EYA1: variants seen among roughly 807,000 people sequenced by gnomAD.
The protein encoded by EYA1 is EYA transcriptional coactivator and phosphatase 1.
EYA1 carries 16 observed loss-of-function variants against 82.0 expected under a neutral mutation model. The ratio of observed to expected loss-of-function variants is 0.20; its 90% CI spans 0.13 to 0.30. EYA1 has a LOEUF of 0.30. Ranked by LOEUF, EYA1 falls within the 10% of genes least tolerant of loss-of-function variation. EYA1 has a pLI of 1.00. For missense variants in EYA1, 633 were observed against 730.7 expected, an observed-to-expected ratio of 0.87 and a Z score of 1.54; for synonymous variants, 261 against 264.4, an observed-to-expected ratio of 0.99 and a Z score of 0.12.
At chr8:71,422,012 G>A (rs1831173857) in intron 2 of EYA1, among the ~76,000 whole-genome samples, 1 of 152,180 alleles carries the variant, frequency 6.6e-6, no homozygotes, top group Admixed American at 6.5e-5. Flanking sequence ...AATTTTTAAA[G>A]AAGATGCATT....
At chr8:71,484,205 A>C (rs1198924578) in intron 2 of EYA1, among the ~76,000 whole-genome samples, 1 of 152,234 alleles carries the variant, frequency 6.6e-6, no homozygotes, top group Non-Finnish European at 1.5e-5. Context: ...GGGGGTTTTA[A>C]GAGATGAAAG....
intron 17 of EYA1, among the ~76,000 whole-genome samples, chr8:71,199,769 G>A (rs1247664608): frequency 6.6e-6 from 1 of 152,170 alleles, no homozygotes; most frequent in African/African-American, 2.4e-5. Context: ...CATGCTGAAA[G>A]TTTAAAAAGC....
At chr8:71,288,274 T>A (rs190523884) in intron 9 of EYA1, among the ~76,000 whole-genome samples, 1 of 152,188 alleles carries the variant, frequency 6.6e-6, no homozygotes, top group Non-Finnish European at 1.5e-5. Context: ...TTAAATATGA[T>A]AACTTGTATC....
At chr8:71,392,109 C>T (rs896596400) in intron 2 of EYA1, among the ~76,000 whole-genome samples, 7 of 152,166 alleles carry the variant, frequency 4.6e-5, no homozygotes, top group African/African-American at 1.7e-4. Flanking sequence ...AACCACAGGA[C>T]TTTGCTTTCC....
At chr8:71,508,313 G>A (rs1180701575) in intron 2 of EYA1, among the ~76,000 whole-genome samples, 5 of 152,018 alleles carry the variant, frequency 3.3e-5, no homozygotes, top group East Asian at 3.9e-4. Flanking sequence ...TCCTTCTGTC[G>A]CCCAGGCTGG....
chr8:71,429,874 T>C (rs1456265635), intron 2 of EYA1, among the ~76,000 whole-genome samples: 2 of 152,186 alleles, frequency 1.3e-5, no homozygotes, highest in Admixed American at 6.5e-5. Flanking sequence ...TGAAGTTCTT[T>C]GATAATTTGA....
rs929997002 is a variant in EYA1, at chr8:71,198,533, T to C, written c.*807A>G. On this transcript the variant is annotated 3_prime_UTR_variant, in exon 18 of 18. Coordinates refer to ENST00000340726, the MANE Select transcript of EYA1 (RefSeq NM_000503.6). The stretch of plus-strand genomic sequence containing the variant: ...GCACGTGCTGCCTCATGCTTCACTA[T>C]CCAGGCATTGCTACCTTTCAATATC... 4.6e-5 allele frequency: 7 copies of C among 152,632 alleles called. No individual in the cohort carries two copies. The highest frequency in any genetic ancestry group is 1.7e-4 in the African/African-American group (7 of 41,458). The allele number at this position is 152,632 out of a possible 1,614,324, so 9.5% of individuals were successfully genotyped here. A position where few individuals can be genotyped will look rare whatever the true frequency, so the allele number is the denominator to read the frequency against.
At chr8:71,238,723 T>C (rs1471112817) in intron 12 of EYA1, among the ~76,000 whole-genome samples, 1 of 152,140 alleles carries the variant, frequency 6.6e-6, no homozygotes, top group African/African-American at 2.4e-5. Flanking sequence ...TTTTCTTCAG[T>C]CTTCTACATA....
At position 71,518,008 on chromosome 8, in the gene EYA1, A is replaced by C. The variant is rs994286476; in HGVS notation, c.33+17736T>G. 2.9e-4 allele frequency among the ~76,000 whole-genome samples: 44 copies of C among 152,116 alleles called. 1 individual carries two copies. The highest frequency in any genetic ancestry group is 7.9e-4 in the Admixed American group (12 of 15,270). On this transcript the variant is annotated intron_variant, in intron 2 of 18. Coordinates refer to the EYA1 transcript ENST00000643681. ...GCACATACGTATCTATACTTTATAG[A>C]CAAATTGTGCTTTACTAACATATTA...
intron 2 of EYA1, among the ~76,000 whole-genome samples, chr8:71,450,077 C>T (rs766308261): frequency 7.2e-5 from 11 of 152,174 alleles, no homozygotes; most frequent in Non-Finnish European, 1.5e-4. Flanking sequence ...TGATTTTCTA[C>T]CCAGACCACT....
At chr8:71,456,228 C>G (rs1807895765) in intron 2 of EYA1, among the ~76,000 whole-genome samples, 1 of 152,140 alleles carries the variant, frequency 6.6e-6, no homozygotes, top group Non-Finnish European at 1.5e-5. Flanking sequence ...TCAAGGAGAA[C>G]TACAAACCAC....
chr8:71,364,559 A>G (rs556379598), upstream of EYA1, among the ~76,000 whole-genome samples: 1 of 152,220 alleles, frequency 6.6e-6, no homozygotes, highest in East Asian at 1.9e-4. Flanking sequence ...TAACTACAAA[A>G]TTTAGGGAAA....
At chr8:71,428,336 G>T (rs962549974) in intron 2 of EYA1, among the ~76,000 whole-genome samples, 1 of 152,170 alleles carries the variant, frequency 6.6e-6, no homozygotes, top group African/African-American at 2.4e-5. Context: ...TGGCAATGAT[G>T]CATTTTGTAA....
At chr8:71,380,723 C>T (rs940182908) in intron 2 of EYA1, among the ~76,000 whole-genome samples, 3 of 152,202 alleles carry the variant, frequency 2.0e-5, no homozygotes, top group Admixed American at 2.0e-4. Context: ...GCAATCTATA[C>T]CAAAGTAAAC....
chr8:71,252,734 T>A (rs1813898621), intron 11 of EYA1, among the ~76,000 whole-genome samples: 1 of 152,190 alleles, frequency 6.6e-6, no homozygotes, highest in Admixed American at 6.5e-5. Context: ...ATCATTCAGA[T>A]GGGATCTGAG....
intron 2 of EYA1, among the ~76,000 whole-genome samples, chr8:71,396,876 T>C (rs1023523370): frequency 3.3e-5 from 5 of 152,220 alleles, no homozygotes; most frequent in Non-Finnish European, 4.4e-5. Context: ...CTGTCTAATG[T>C]TGACAGTGTG....
At chr8:71,479,047 T>C (rs573971368) in intron 2 of EYA1, among the ~76,000 whole-genome samples, 8 of 152,166 alleles carry the variant, frequency 5.3e-5, no homozygotes, top group Non-Finnish European at 1.2e-4. Flanking sequence ...AACAAAAGCC[T>C]TAACCAGGTC....
intron 2 of EYA1, among the ~76,000 whole-genome samples, chr8:71,456,402 A>G (rs1354261840): frequency 1.3e-5 from 2 of 152,220 alleles, no homozygotes; most frequent in East Asian, 3.8e-4. Flanking sequence ...ATTGGAAAAA[A>G]CTACCTTAAA....
intron 9 of EYA1, among the ~76,000 whole-genome samples, chr8:71,283,930 G>A (rs1818097272): frequency 6.6e-6 from 1 of 152,162 alleles, no homozygotes; most frequent in Non-Finnish European, 1.5e-5. Context: ...AAAGATTGAA[G>A]TTAATCAAAA....
Sources: allele counts gnomAD v4.1 joint callset (sites outside exome capture counted in the v4.1 genomes callset), GRCh38; gene constraint gnomAD v4.1.1; transcripts MANE v1.5; gene names NCBI Gene and HGNC (gene_info 2026-07-23, HGNC 2026-07-21).